Variants in TCTN3 observed in about 807,000 individuals in gnomAD.
TCTN3 encodes the protein tectonic-3.
A neutral mutation model predicts 71.3 loss-of-function variants in TCTN3; 57 were observed. That is an observed-to-expected ratio of 0.80 (90% CI 0.65 to 1.00). The LOEUF is 1.00. Ranked by LOEUF, TCTN3 falls within the 50% of genes least tolerant of loss-of-function variation. The pLI is 0.00. For missense variants in TCTN3, 696 were observed against 719.9 expected (o/e 0.97, Z 0.38); for synonymous variants, 258 against 267.8 (o/e 0.96, Z 0.36).
chr10:95,689,541 G>A (rs1420749206), intron 3 of TCTN3, among the ~76,000 whole-genome samples: 2 of 152,168 alleles, frequency 1.3e-5, no homozygotes, highest in Non-Finnish European at 2.9e-5. Context: ...TTAAAGTTAA[G>A]CTAAGAAAGA....
At chr10:95,685,705 AT>A in intron 7 of TCTN3, 69 bp from the exon 8 acceptor site, 24 of 1,263,548 alleles carry the variant, frequency 1.9e-5, no homozygotes, top group Non-Finnish European at 2.6e-5. Flanking sequence ...ATTAATAGAT[AT>A]CATGCTAAGA....
chr10:95,691,326 GT>G (rs1156378752), intron 3 of TCTN3, among the ~76,000 whole-genome samples: 1 of 151,918 alleles, frequency 6.6e-6, no homozygotes, highest in Non-Finnish European at 1.5e-5. Context: ...ATAATTTTTT[GT>G]TTTTTTAGTA....
intron 10 of TCTN3, 98 bp from the exon 11 acceptor site, chr10:95,683,293 TTTTG>T: frequency 1.3e-6 from 2 of 1,513,710 alleles, no homozygotes; most frequent in Non-Finnish European, 1.8e-6. Flanking sequence ...ATGCTATTTA[TTTTG>T]TATTACTATC....
intron 13 of TCTN3, among the ~76,000 whole-genome samples, chr10:95,667,710 C>T (rs974018072): frequency 1.1e-4 from 17 of 152,214 alleles, no homozygotes; most frequent in Non-Finnish European, 2.4e-4. Flanking sequence ...AAAATGCTTA[C>T]TTCATTTTAG....
At chr10:95,684,466 C>T in intron 9 of TCTN3, 33 bp downstream of exon 9, 1 of 1,597,964 alleles carries the variant, frequency 6.3e-7, no homozygotes. Flanking sequence ...TATTTCTTCC[C>T]CTCTAAATCC....
intron 13 of TCTN3, among the ~76,000 whole-genome samples, chr10:95,678,628 A>G (rs913304389): frequency 3.3e-5 from 5 of 152,098 alleles, no homozygotes; most frequent in African/African-American, 7.2e-5. Context: ...ATAATCATAA[A>G]TGCATAAAGA....
intron 11 of TCTN3, 127 bp downstream of exon 11, chr10:95,682,974 T>C: frequency 8.1e-7 from 1 of 1,237,882 alleles, no homozygotes; most frequent in Non-Finnish European, 1.1e-6. Flanking sequence ...TCAACACTAT[T>C]TAGACTAAAA....
Position 95,687,628 on chromosome 10 carries a change from T to C in TCTN3, c.591A>G (p.Ser197=). 6.2e-7 allele frequency: 1 copy of C among 1,614,146 alleles called. No individual in the cohort carries two copies. The highest frequency in any genetic ancestry group is 1.1e-5 in the South Asian group (1 of 91,082). ...AAEFGGESFT[S]TFQTQSPPSF... ...ATGGTGGTGATTGAGTTTGGAATGT[T>C]GAAGTGAATGATTCGCCTCCAAACT... Residue 197 remains serine, a synonymous_variant, in exon 4 of 14, where the codon TCA becomes TCG. Coordinates refer to ENST00000371217, the MANE Select transcript of TCTN3 (RefSeq NM_015631.6).
At chr10:95,685,514 AT>A (rs932906002) in intron 8 of TCTN3, 41 bp downstream of exon 8, 2 of 1,484,464 alleles carry the variant, frequency 1.3e-6, no homozygotes, top group African/African-American at 2.8e-5. Flanking sequence ...GGCAGTGTTG[AT>A]TAACACACAT....
intron 13 of TCTN3, among the ~76,000 whole-genome samples, chr10:95,669,569 G>A (rs1324729480): frequency 4.6e-5 from 7 of 152,110 alleles, no homozygotes; most frequent in Non-Finnish European, 1.0e-4. Flanking sequence ...TTCACCTCAG[G>A]GGTGTCTCAG....
chr10:95,691,517 A>C (rs2097953506), intron 3 of TCTN3, among the ~76,000 whole-genome samples: 3 of 152,150 alleles, frequency 2.0e-5, no homozygotes, highest in Admixed American at 2.0e-4. Context: ...CTAAATAACC[A>C]CAAGGCTTCT....
intron 3 of TCTN3, among the ~76,000 whole-genome samples, chr10:95,689,058 G>A (rs1205682684): frequency 6.6e-6 from 1 of 152,156 alleles, no homozygotes; most frequent in African/African-American, 2.4e-5. Flanking sequence ...TTTACCCTCT[G>A]TGATAATGGA....
chr10:95,680,379 C>CAAA, intron 13 of TCTN3, 93 bp downstream of exon 13: 3 of 1,455,042 alleles, frequency 2.1e-6, no homozygotes, highest in Middle Eastern at 2.0e-4. Context: ...TAAATTAGCT[C>CAAA]TTGGAAGGTA....
chr10:95,677,011 T>C (rs1198608876), intron 13 of TCTN3, among the ~76,000 whole-genome samples: 1 of 152,194 alleles, frequency 6.6e-6, no homozygotes, highest in African/African-American at 2.4e-5. Context: ...CTGCAGACAA[T>C]GGATCTCCTA....
chr10:95,693,740 T>C lies in TCTN3; in HGVS notation c.160A>G (p.Thr54Ala). Residue 54 changes from threonine (T) to alanine (A), a missense_variant, in exon 1 of 14, where the codon ACT (threonine) becomes GCT (alanine). Transcript: ENST00000371217. ...GGTLQSPSEA[T>A]ATRPAVPGLP... ...CCAGGCACGGCCGGGCGAGTTGCAG[T>C]CGCCTCTGAAGGGGACTGGAGGGTT... 4 of 1,551,576 alleles carry C rather than the reference T, an allele frequency of 2.6e-6. No homozygotes were observed. The African/African-American group carries it at 4.1e-5, about 16-fold the overall frequency.
At chr10:95,675,094 T>A (rs1012224947) in intron 13 of TCTN3, among the ~76,000 whole-genome samples, 5 of 152,176 alleles carry the variant, frequency 3.3e-5, no homozygotes, top group Admixed American at 3.3e-4. Flanking sequence ...CAAGTGGTTA[T>A]ATGTTTTATT....
At chr10:95,672,092 C>T (rs1268806140) in intron 13 of TCTN3, among the ~76,000 whole-genome samples, 2 of 137,752 alleles carry the variant, frequency 1.5e-5, no homozygotes, top group Non-Finnish European at 3.2e-5. Flanking sequence ...CCTTTCCAGT[C>T]TATTCTCTGT....
intron 3 of TCTN3, 66 bp downstream of exon 3, chr10:95,692,854 C>T: frequency 8.4e-7 from 1 of 1,185,890 alleles, no homozygotes; most frequent in Admixed American, 1.7e-5. Context: ...CCAATGTGGG[C>T]CAGGGAAGAC....
rs979820993 is a variant in TCTN3, at chr10:95,683,576, A to G, written c.1149T>C (p.Pro383=). ...AGAGTGGCTTCCCAACTATATAGCC[A>G]GGATTCCCACTTCTAGGACTGGTGA... ...ASLTSPRSGN[P]GYIVGKPLLA... The change falls in exon 10 of 14, where the codon CCT becomes CCC. Residue 383 remains proline, a synonymous_variant. Transcript: ENST00000371217. 2 of 1,614,084 alleles carry G rather than the reference A, an allele frequency of 1.2e-6. No homozygotes were observed. Among genetic ancestry groups the G allele is most frequent in the African/African-American group, 2.7e-5 (2 of 74,944 alleles).
Sources: allele counts gnomAD v4.1 joint callset (sites outside exome capture counted in the v4.1 genomes callset), GRCh38; gene constraint gnomAD v4.1.1; transcripts MANE v1.5; gene names NCBI Gene and HGNC (gene_info 2026-07-23, HGNC 2026-07-21).